Variants in SPATA31C2 observed in about 807,000 individuals in gnomAD.
SPATA31C2 encodes spermatogenesis-associated protein 31C2.
A neutral mutation model predicts 11.4 loss-of-function variants in SPATA31C2; 5 were observed. The ratio of observed to expected loss-of-function variants is 0.44; its 90% CI spans 0.23 to 0.92. The LOEUF (loss-of-function observed/expected upper bound fraction) is 0.92. SPATA31C2 is among the 40% of genes least tolerant of loss of function. SPATA31C2 has a pLI of 0.24. For synonymous variants in SPATA31C2, 515 were observed against 538.7 expected (o/e 0.96, Z 0.61); for missense variants, 1,353 against 1,368.6 (o/e 0.99, Z 0.18).
chr9:88,133,497 C>G, intron 2 of SPATA31C2, 97 bp downstream of exon 2: 1 of 1,506,614 alleles, frequency 6.6e-7, no homozygotes, highest in Non-Finnish European at 9.0e-7. Context: ...TCCTAGGAGC[C>G]CCCACCTCAG....
intron 1 of SPATA31C2, among the ~76,000 whole-genome samples, chr9:88,136,874 C>T (rs367570307): frequency 7.8e-6 from 1 of 128,644 alleles, no homozygotes; most frequent in Non-Finnish European, 1.6e-5. Context: ...CCCCTCCACC[C>T]TGCTCTGTGG....
rs1825604350 is a variant in SPATA31C2 at position 88,131,944 on chromosome 9, A to T, written c.1093T>A (p.Ser365Thr). ...AHLQSSFPVLSPAFLSPMKNT... is the reference protein window; with the variant it reads ...AHLQSSFPVLTPAFLSPMKNT... ...TTCATCGGGGATAGAAAAGCAGGAG[A>T]TAGGACTGGGAAAGAGGATTGAAGA... The change falls in exon 4 of 4, where the codon TCT becomes ACT. Residue 365 changes from serine (S) to threonine (T), a missense_variant. By Grantham distance (58) the Ser-to-Thr change is moderately conservative (BLOSUM62 1). This residue lies in a region of SPATA31C2 where 1,075 missense variants were observed against 992.8 expected (regional missense o/e 1.08). Coordinates refer to ENST00000324915, the MANE Select transcript of SPATA31C2 (RefSeq NM_001350978.3). 2 of 1,610,696 alleles carry T rather than the reference A, an allele frequency of 1.2e-6. No homozygotes were observed. Among genetic ancestry groups the T allele is most frequent in the Non-Finnish European group, 1.7e-6 (2 of 1,178,116 alleles).
rs753020515 is a variant in SPATA31C2, at chr9:88,130,547, G to A, written c.2490C>T (p.Gly830=). 3.5e-4 allele frequency: 567 copies of A among 1,613,298 alleles called. No homozygotes were observed. The highest frequency in any genetic ancestry group is 4.3e-4 in the Admixed American group (26 of 59,924). ...SEDVRGFKAP[G]ASKSSLLPRM... is the part of the protein sequence containing the mutation. ...TAGGGAGTAGAGAGCTTTTGCTGGC[G>A]CCTGGAGCCTTGAAACCACGCACAT... is the stretch of plus-strand genomic sequence containing the variant. Residue 830 remains glycine (G), a synonymous_variant, in exon 4 of 4, where the codon GGC becomes GGT. Transcript: ENST00000324915.
In SPATA31C2 at chr9:88,131,236, G is replaced by A. The variant is rs751871433; in HGVS notation, c.1801C>T (p.Leu601Phe). ...LIPVSVRRSW[L>F]AVNQAFPVSN... ...ACGGGAAAAGCCTGGTTGACAGCAAGCCAGGATCGACGCACACTCACGGGG... is the reference window on the plus strand; with the variant it reads ...ACGGGAAAAGCCTGGTTGACAGCAAACCAGGATCGACGCACACTCACGGGG... The change falls in exon 4 of 4, where the codon CTT becomes TTT. Residue 601 changes from leucine (L) to phenylalanine (F), a missense_variant. Coordinates refer to ENST00000324915, the MANE Select transcript of SPATA31C2 (RefSeq NM_001350978.3). The A allele has an allele frequency of 1.5e-5, 24 of 1,611,940 alleles. No individual in the cohort carries two copies. In the South Asian group the frequency reaches 2.3e-4, roughly 16 times the overall value.
intron 3 of SPATA31C2, 30 bp from the exon 4 acceptor site, chr9:88,132,740 C>T: frequency 6.3e-7 from 1 of 1,586,100 alleles, no homozygotes; most frequent in Non-Finnish European, 8.5e-7. Flanking sequence ...CAAGCTGCAG[C>T]CAGGAGCAGA....
Position 88,130,833 on chromosome 9 carries a change from G to A in SPATA31C2, c.2204C>T (p.Ser735Leu). 1.2e-6 allele frequency: 2 copies of A among 1,613,336 alleles called. No homozygotes were observed. Among genetic ancestry groups the A allele is most frequent in the African/African-American group, 1.3e-5 (1 of 75,036 alleles). The change falls in exon 4 of 4, where the codon TCA becomes TTA. Residue 735 changes from serine to leucine, a missense_variant. This residue lies in a region of SPATA31C2 where 1,075 missense variants were observed against 992.8 expected (regional missense o/e 1.08). Transcript: ENST00000324915. ...CCTCTGGAACTGCTTACATGCAGGT[G>A]AGGAGGCCTGAAGCCTCTCTGGCAT... ...VHMPERLQAS[S>L]PACKQFQRAP...
At position 88,130,940 on chromosome 9, in the gene SPATA31C2, T is replaced by G. The variant is rs756517909; in HGVS notation, c.2097A>C (p.Ser699=). Residue 699 remains serine (S), a synonymous_variant, in exon 4 of 4, where the codon TCA becomes TCC. Transcript: ENST00000324915. ...CAAGGAACGTGGCCACCTCAACTTT[T>G]GAGCCAGCCCCAGATTCGCAGGTGT... The part of the protein sequence containing the change: ...SSDTCESGAG[S]KVEVATFLGE... The G allele has an allele frequency of 1.2e-6, 2 of 1,613,434 alleles. No homozygotes were observed. The highest frequency in any genetic ancestry group is 2.7e-5 in the African/African-American group (2 of 74,918).
At position 88,133,668 on chromosome 9, in the gene SPATA31C2, C is replaced by T. The variant is rs374754222; in HGVS notation, c.191G>A (p.Arg64His). 1.3e-5 allele frequency: 20 copies of T among 1,598,416 alleles called. No individual in the cohort carries two copies. Among genetic ancestry groups the T allele is most frequent in the African/African-American group, 4.0e-5 (3 of 74,660 alleles). The change falls in exon 2 of 4, where the codon CGT (arginine) becomes CAT (histidine). Residue 64 changes from arginine (R) to histidine (H), a missense_variant and splice_region_variant. Arg to His is a conservative substitution (Grantham distance 29). This residue lies in a region of SPATA31C2 where 67 missense variants were observed against 41.4 expected (regional missense o/e 1.62). Transcript: ENST00000324915. ...PPSPSPRKRK[R>H]HLVSQRPAGR... is the part of the protein sequence containing the mutation. Reference sequence around the variant, plus strand: ...TGCTGGACGCTGGGAGACAAGATGACGCTGGGAGACAAGAAATGGCGAGGA... The same window carrying T: ...TGCTGGACGCTGGGAGACAAGATGATGCTGGGAGACAAGAAATGGCGAGGA...
Position 88,132,663 on chromosome 9 carries a change from C to T in SPATA31C2, c.374G>A (p.Gly125Asp). Reference sequence around the variant, plus strand: ...GCCCACCTCACCTGGCGGGTCTGGACCAGAGAGCTGACCAAAGTCACCTTT... The same window carrying T: ...GCCCACCTCACCTGGCGGGTCTGGATCAGAGAGCTGACCAAAGTCACCTTT... Reference protein sequence around the residue: ...LEKGDFGQLSGPDPPGEVGKR... With the variant: ...LEKGDFGQLSDPDPPGEVGKR... Residue 125 changes from glycine to aspartate, a missense_variant, in exon 4 of 4, where the codon GGT becomes GAT. Physicochemically the swap from Gly to Asp is moderately conservative, Grantham distance 94. Transcript: ENST00000324915. 4 of 1,608,202 alleles carry T rather than the reference C, an allele frequency of 2.5e-6. No individual in the cohort carries two copies. The highest frequency in any genetic ancestry group is 2.7e-5 in the African/African-American group (2 of 74,132).
intron 3 of SPATA31C2, 109 bp downstream of exon 3, chr9:88,132,857 C>G (rs1196292976): frequency 1.5e-6 from 2 of 1,307,440 alleles, no homozygotes; most frequent in African/African-American, 4.0e-5. Flanking sequence ...TTACTCCCAT[C>G]CTCTGTCCCC....
In SPATA31C2 at chr9:88,131,700, C is replaced by G. The variant is rs1028146681; in HGVS notation, c.1337G>C (p.Ser446Thr). 3.1e-6 allele frequency: 5 copies of G among 1,611,874 alleles called. No individual in the cohort carries two copies. In the African/African-American group the frequency reaches 5.3e-5, roughly 17 times the overall value. The change falls in exon 4 of 4, where the codon AGT (serine) becomes ACT (threonine). Residue 446 changes from serine (S) to threonine (T), a missense_variant. Ser to Thr is a moderately conservative substitution (Grantham distance 58). This residue lies in a region of SPATA31C2 where 1,075 missense variants were observed against 992.8 expected (regional missense o/e 1.08). Transcript: ENST00000324915. Reference sequence around the variant, plus strand: ...CTCCAGTTGTCTCCAGAGTTCAGGACTGACTGGAAAGTTCTCAGGCAGAAT... The same window carrying G: ...CTCCAGTTGTCTCCAGAGTTCAGGAGTGACTGGAAAGTTCTCAGGCAGAAT... ...TSILPENFPV[S>T]PELWRQLEQH...
chr9:88,129,512 ACTGGGTGT>A lies in SPATA31C2; in HGVS notation c.*112_*119del. ...GTCAGTGGTGATGGTGGCTGGAGGC[ACTGGGTGT>A]CTTCGGCCGGTGCTGAGGGGGACTG... On this transcript the variant is annotated 3_prime_UTR_variant, in exon 4 of 4. Coordinates refer to ENST00000324915, the MANE Select transcript of SPATA31C2 (RefSeq NM_001350978.3). The A allele has an allele frequency of 6.3e-7, 1 of 1,596,610 alleles. No individual in the cohort carries two copies. The highest frequency in any genetic ancestry group is 8.5e-7 in the Non-Finnish European group (1 of 1,170,844).
chr9:88,131,689 A>T lies in SPATA31C2; in HGVS notation c.1348T>A (p.Trp450Arg). ...PENFPVSPEL[W>R]RQLEQHMGQR... ...CCCATGTGTTGCTCCAGTTGTCTCC[A>T]GAGTTCAGGACTGACTGGAAAGTTC... Residue 450 changes from tryptophan to arginine, a missense_variant, in exon 4 of 4, where the codon TGG becomes AGG. Physicochemically the swap from Trp to Arg is moderately radical, Grantham distance 101 (BLOSUM62 -3). This residue lies in a region of SPATA31C2 where 1,075 missense variants were observed against 992.8 expected (regional missense o/e 1.08). Transcript: ENST00000324915. 1 of 1,612,000 alleles carries T rather than the reference A, an allele frequency of 6.2e-7. No individual in the cohort carries two copies. Among genetic ancestry groups the T allele is most frequent in the Non-Finnish European group, 8.5e-7 (1 of 1,179,862 alleles).
At position 88,132,703 on chromosome 9, in the gene SPATA31C2, C is replaced by G. The variant is rs1213438052; in HGVS notation, c.334G>C (p.Gly112Arg). Residue 112 changes from glycine to arginine, a missense_variant, in exon 4 of 4, where the codon GGG (glycine) becomes CGG (arginine). Physicochemically the swap from Gly to Arg is moderately radical, Grantham distance 125. Around this residue, in one of 6 missense-constraint regions of SPATA31C2, gnomAD observed 8 missense variants for 30.8 expected, o/e 0.26. Coordinates refer to ENST00000324915, the MANE Select transcript of SPATA31C2 (RefSeq NM_001350978.3). ...AAGTCACCTTTTTCAAGGTGTGGCC[C>G]CAGGAGGCTGCAGGAGACAGGAGGC... The part of the protein sequence containing the change: ...DLLSQLQSLL[G>R]PHLEKGDFGQ... The G allele has an allele frequency of 1.2e-6, 2 of 1,602,800 alleles. No homozygotes were observed. The highest frequency in any genetic ancestry group is 1.7e-6 in the Non-Finnish European group (2 of 1,175,566).
Position 88,131,173 on chromosome 9 carries a change from G to C in SPATA31C2, c.1864C>G (p.Pro622Ala). The C allele has an allele frequency of 6.2e-7, 1 of 1,611,780 alleles. No individual in the cohort carries two copies. Among genetic ancestry groups the C allele is most frequent in the Non-Finnish European group, 8.5e-7 (1 of 1,179,874 alleles). ...TTCACACAGGCTTTCCTGCTTTTCG[G>C]GGCTGCTAGATTGCTGGTTTTCACG... ...THVKTSNLAA[P>A]KSRKACVNTA... The change falls in exon 4 of 4, where the codon CCG (proline) becomes GCG (alanine). Residue 622 changes from proline to alanine, a missense_variant. Pro to Ala is a conservative substitution (Grantham distance 27). Around this residue, in one of 6 missense-constraint regions of SPATA31C2, gnomAD observed 1,075 missense variants for 992.8 expected, o/e 1.08. Transcript: ENST00000324915.
In SPATA31C2 at chr9:88,133,012, G is replaced by A. The variant is rs760299078; in HGVS notation, c.280C>T (p.Pro94Ser). 4.4e-6 allele frequency: 6 copies of A among 1,356,892 alleles called. No individual in the cohort carries two copies. The highest frequency in any genetic ancestry group is 5.9e-6 in the Non-Finnish European group (6 of 1,021,962). 84.1% of individuals were successfully genotyped at this position (1,356,892 alleles called of 1,614,324 possible). A position where few individuals can be genotyped will look rare whatever the true frequency, so the allele number is the denominator to read the frequency against. ...NHSLRACREC[P>S]RGLEETWDLL... ...TCCCAAGTCTCCTCCAGGCCTCTCG[G>A]GCACTCTCTACAAGCTGGAAATCAG... Residue 94 changes from proline to serine, a missense_variant, in exon 3 of 4, where the codon CCG becomes TCG. Transcript: ENST00000324915.
In SPATA31C2 at chr9:88,132,774, G is replaced by A. The variant is rs1476540725; in HGVS notation, c.327-64C>T. The A allele has an allele frequency of 5.7e-5, 88 of 1,539,846 alleles. 1 individual carries two copies. Among genetic ancestry groups the A allele is most frequent in the African/African-American group, 4.5e-4 (28 of 61,926 alleles). ...GATGGGTTCGGAGGGCAGAGTGGGC[G>A]CTTGGGCCACAGCCCCTCCACCACG... On this transcript the variant is annotated intron_variant, in intron 3 of 3. Transcript: ENST00000324915.
rs1394370905 is a variant in SPATA31C2, at chr9:88,132,280, G to C, written c.757C>G (p.Leu253Val). The C allele has an allele frequency of 3.1e-6, 5 of 1,610,776 alleles. No homozygotes were observed. In the African/African-American group the frequency reaches 6.7e-5, roughly 22 times the overall value. Residue 253 changes from leucine to valine, a missense_variant, in exon 4 of 4, where the codon CTG becomes GTG. This residue lies in a region of SPATA31C2 where 1,075 missense variants were observed against 992.8 expected (regional missense o/e 1.08). Coordinates refer to ENST00000324915, the MANE Select transcript of SPATA31C2 (RefSeq NM_001350978.3). ...GACAAGCTTTGAGGGACGGTGTCCA[G>C]TGGAAGTGCCACTGAGTCACAGTGA... ...PSHCDSVALP[L>V]DTVPQSLSPR...
At chr9:88,133,757 A>G (rs1045436352) in intron 1 of SPATA31C2, 88 bp from the exon 2 acceptor site, 49 of 1,450,640 alleles carry the variant, frequency 3.4e-5, no homozygotes, top group Admixed American at 1.1e-4. Context: ...CATGAACCGC[A>G]TGGCTCTGTC....
Sources: allele counts gnomAD v4.1 joint callset (sites outside exome capture counted in the v4.1 genomes callset), GRCh38; gene constraint gnomAD v4.1.1; regional missense constraint gnomAD v4.1.1; transcripts MANE v1.5; gene names NCBI Gene and HGNC (gene_info 2026-07-23, HGNC 2026-07-21).